NR3C1: variants seen among roughly 807,000 people sequenced by gnomAD.
The protein encoded by NR3C1 is nuclear receptor subfamily 3 group C member 1, also known as glucocorticoid receptor.
A neutral mutation model predicts 74.0 loss-of-function variants in NR3C1; 14 were observed. The ratio of observed to expected loss-of-function variants is 0.19; its 90% confidence interval spans 0.12 to 0.30. The LOEUF is 0.30. Ranked by LOEUF, NR3C1 falls within the 10% of genes least tolerant of loss-of-function variation. NR3C1 has a pLI of 1.00. For missense variants in NR3C1, 695 were observed against 909.8 expected, an observed-to-expected ratio of 0.76 and a Z score of 3.04; for synonymous variants, 308 against 332.5, an observed-to-expected ratio of 0.93 and a Z score of 0.80.
chr5:143,342,091 T>G (rs34808627), intron 2 of NR3C1, among the ~76,000 whole-genome samples: 3 of 150,924 alleles, frequency 2.0e-5, no homozygotes, highest in Non-Finnish European at 3.0e-5. Flanking sequence ...GTCAAAACAG[T>G]ATGAATAACA....
chr5:143,299,715 A>G (rs1216303654), intron 5 of NR3C1, among the ~76,000 whole-genome samples: 1 of 152,216 alleles, frequency 6.6e-6, no homozygotes, highest in Non-Finnish European at 1.5e-5. Flanking sequence ...CTAAATATAA[A>G]TATGTACAGT....
At chr5:143,325,803 T>C (rs1468645443) in intron 2 of NR3C1, among the ~76,000 whole-genome samples, 1 of 152,158 alleles carries the variant, frequency 6.6e-6, no homozygotes, top group African/African-American at 2.4e-5. Flanking sequence ...GGGGCTGCTA[T>C]ATTTAGTAAA....
intron 2 of NR3C1, among the ~76,000 whole-genome samples, chr5:143,374,759 C>T (rs1332062763): frequency 3.3e-5 from 5 of 151,782 alleles, no homozygotes; most frequent in Admixed American, 2.0e-4. Flanking sequence ...GGCTGACATA[C>T]GCTCAGCAGC....
rs1826210849 is a variant in NR3C1 at position 143,332,599 on chromosome 5, G to C, written c.1185-18431C>G. On this transcript the variant is annotated intron_variant, in intron 2 of 8. Coordinates refer to ENST00000394464, the MANE Select transcript of NR3C1 (RefSeq NM_000176.3). ...AAAGAATTGAGTAGCTGCACCACTA[G>C]AAAGATGGCAGTAGCAAGACAGAAG... 1.7e-6 allele frequency: 2 copies of C among 1,205,126 alleles called. 1 individual carries two copies. The highest frequency in any genetic ancestry group is 2.6e-5 in the South Asian group (2 of 76,106). 74.7% of individuals were successfully genotyped at this position (1,205,126 alleles called of 1,614,324 possible). A position where few individuals can be genotyped will look rare whatever the true frequency, so the allele number is the denominator to read the frequency against.
At chr5:143,336,639 G>C (rs1827173789) in intron 2 of NR3C1, among the ~76,000 whole-genome samples, 1 of 152,074 alleles carries the variant, frequency 6.6e-6, no homozygotes. Flanking sequence ...GTGCCAACCT[G>C]CCTGCCAAAA....
At chr5:143,332,206 A>G (rs558829164) in intron 2 of NR3C1, among the ~76,000 whole-genome samples, 3 of 152,314 alleles carry the variant, frequency 2.0e-5, no homozygotes, top group South Asian at 2.1e-4. Context: ...CATTCAGAAC[A>G]TTAAAACAAT....
chr5:143,329,856 T>C (rs1825592165), intron 2 of NR3C1, among the ~76,000 whole-genome samples: 1 of 152,328 alleles, frequency 6.6e-6, no homozygotes, highest in South Asian at 2.1e-4. Flanking sequence ...TTCAATACTT[T>C]TCTACATTCT....
chr5:143,388,608 T>C (rs1412898892), intron 2 of NR3C1, among the ~76,000 whole-genome samples: 1 of 152,208 alleles, frequency 6.6e-6, no homozygotes, highest in Non-Finnish European at 1.5e-5. Context: ...TGAAAGATTC[T>C]ACTATTTCAG....
At chr5:143,285,411 A>G (rs1002968152) in intron 7 of NR3C1, among the ~76,000 whole-genome samples, 5 of 152,196 alleles carry the variant, frequency 3.3e-5, no homozygotes, top group African/African-American at 9.6e-5. Context: ...CCTTTGTCTC[A>G]GAATCAATAA....
chr5:143,292,159 C>T (rs1166332637), intron 7 of NR3C1, among the ~76,000 whole-genome samples: 1 of 152,072 alleles, frequency 6.6e-6, no homozygotes, highest in Admixed American at 6.6e-5. Context: ...GCTTCAGTTT[C>T]CTCTAGTTTC....
chr5:143,290,270 GTAAA>G (rs1013951895), intron 7 of NR3C1, among the ~76,000 whole-genome samples: 7 of 152,300 alleles, frequency 4.6e-5, no homozygotes, highest in Admixed American at 4.6e-4. Flanking sequence ...GCCTGTATTT[GTAAA>G]TAAAGTTTTA....
At chr5:143,339,916 C>T (rs557462984) in intron 2 of NR3C1, among the ~76,000 whole-genome samples, 22 of 152,140 alleles carry the variant, frequency 1.4e-4, no homozygotes, top group African/African-American at 5.1e-4. Context: ...ATCAAATGGC[C>T]TTACATATGA....
intron 7 of NR3C1, chr5:143,294,210 TAC>T: frequency 1.0e-6 from 1 of 985,266 alleles, no homozygotes; most frequent in Non-Finnish European, 1.2e-6. Flanking sequence ...ATCCATAGCT[TAC>T]AGTTATTTGG....
intron 2 of NR3C1, among the ~76,000 whole-genome samples, chr5:143,318,598 T>A (rs772847533): frequency 6.6e-6 from 1 of 152,174 alleles, no homozygotes; most frequent in Non-Finnish European, 1.5e-5. Context: ...ACCTATATTT[T>A]ATCAATTGGC....
At chr5:143,402,197 T>A (rs989332289) in intron 1 of NR3C1, among the ~76,000 whole-genome samples, 2 of 152,312 alleles carry the variant, frequency 1.3e-5, no homozygotes, top group South Asian at 2.1e-4. Flanking sequence ...ACACGAGGTA[T>A]CGAATGGAGC....
chr5:143,335,907 G>A (rs1221382159), intron 2 of NR3C1, among the ~76,000 whole-genome samples: 1 of 152,206 alleles, frequency 6.6e-6, no homozygotes, highest in Non-Finnish European at 1.5e-5. Flanking sequence ...TTATCACATG[G>A]ATCCTTAAAC....
At chr5:143,332,747 T>A in intron 2 of NR3C1, 1 of 1,588,384 alleles carries the variant, frequency 6.3e-7, no homozygotes, top group Non-Finnish European at 8.5e-7. Flanking sequence ...AATTGCCAGA[T>A]AAACATTCCT....
intron 2 of NR3C1, among the ~76,000 whole-genome samples, chr5:143,385,451 C>T (rs1399808029): frequency 6.6e-6 from 1 of 152,212 alleles, no homozygotes; most frequent in Non-Finnish European, 1.5e-5. Context: ...CTCTGCTTCT[C>T]TTTTAAACCT....
intron 2 of NR3C1, among the ~76,000 whole-genome samples, chr5:143,357,997 A>G (rs1418154381): frequency 6.6e-6 from 1 of 152,230 alleles, no homozygotes; most frequent in African/African-American, 2.4e-5. Context: ...AATACTAAAT[A>G]CTTGATCAAG....
Sources: gnomAD v4.1 joint callset for allele counts (sites outside exome capture counted in the v4.1 genomes callset) on GRCh38, gnomAD v4.1.1 for gene constraint, MANE v1.5 for transcripts, NCBI Gene and HGNC (gene_info 2026-07-23, HGNC 2026-07-21) for gene names.